The following SMYD3 variants were observed in gnomAD, a reference collection of about 807,000 sequenced individuals.
SMYD3 encodes histone-lysine N-methyltransferase SMYD3.
Under a neutral mutation model 57.7 loss-of-function variants are expected in SMYD3, and 36 were observed. The observed-to-expected ratio is 0.62, with a 90% confidence interval of 0.48 to 0.82. The LOEUF (loss-of-function observed/expected upper bound fraction) is 0.82, where lower values mean the gene tolerates loss of function less well. SMYD3 is among the 40% of genes least tolerant of loss of function. SMYD3 has a pLI of 0.00. For synonymous variants in SMYD3, 211 were observed against 195.0 expected (o/e 1.08, Z -0.68); for missense variants, 515 against 538.8 (o/e 0.96, Z 0.44).
At chr1:245,817,544 G>A (rs1364843315) in intron 10 of SMYD3, among the ~76,000 whole-genome samples, 7 of 152,110 alleles carry the variant, frequency 4.6e-5, no homozygotes, top group African/African-American at 7.2e-5. Flanking sequence ...AAAGCTGGAC[G>A]GAGAATGACT....
chr1:246,111,836 T>C (rs1447524142), intron 5 of SMYD3, among the ~76,000 whole-genome samples: 1 of 152,240 alleles, frequency 6.6e-6, no homozygotes. Flanking sequence ...GCTCAGTCTA[T>C]GGCTAATACA....
At chr1:246,321,428 A>G (rs1391595169) in intron 5 of SMYD3, among the ~76,000 whole-genome samples, 2 of 152,190 alleles carry the variant, frequency 1.3e-5, no homozygotes, top group East Asian at 3.8e-4. Flanking sequence ...ATTGAGATGG[A>G]GAGAATTTTA....
intron 5 of SMYD3, among the ~76,000 whole-genome samples, chr1:245,999,015 C>T (rs939210463): frequency 6.6e-6 from 1 of 151,908 alleles, no homozygotes; most frequent in African/African-American, 2.4e-5. Context: ...GGATGATTGT[C>T]GCTTCACGGG....
chr1:246,377,565 C>T (rs2066300655), intron 1 of SMYD3, among the ~76,000 whole-genome samples: 1 of 152,180 alleles, frequency 6.6e-6, no homozygotes, highest in Admixed American at 6.5e-5. Context: ...GATAGGGTTT[C>T]TCCATGTTGG....
chr1:245,751,522 G>GAGAGAAAGAA (rs149058110), intron 11 of SMYD3, among the ~76,000 whole-genome samples: 1 of 146,860 alleles, frequency 6.8e-6, no homozygotes, highest in Admixed American at 7.1e-5. Context: ...TTGCTGCTGA[G>GAGAGAAAGAA]AGAGAGAGAA....
chr1:246,112,902 C>T (rs182763868), intron 5 of SMYD3, among the ~76,000 whole-genome samples: 3 of 152,212 alleles, frequency 2.0e-5, no homozygotes, highest in South Asian at 2.1e-4. Context: ...TAAATTTAGG[C>T]GGGGCACAGT....
At chr1:245,758,181 T>C (rs1314736449) in intron 11 of SMYD3, among the ~76,000 whole-genome samples, 1 of 152,214 alleles carries the variant, frequency 6.6e-6, no homozygotes, top group African/African-American at 2.4e-5. Context: ...TAATTTTGTT[T>C]TTGAATTGTT....
chr1:246,380,184 T>A (rs1009389926), intron 1 of SMYD3, among the ~76,000 whole-genome samples: 1 of 152,052 alleles, frequency 6.6e-6, no homozygotes, highest in African/African-American at 2.4e-5. Flanking sequence ...GCTGAGAAAA[T>A]CTTAATGCAT....
At chr1:245,817,450 A>C (rs1350037202) in intron 10 of SMYD3, among the ~76,000 whole-genome samples, 3 of 150,692 alleles carry the variant, frequency 2.0e-5, no homozygotes, top group Non-Finnish European at 4.5e-5. Context: ...ATGGGGAAAA[A>C]ACAGAACAGA....
chr1:245,876,418 C>G (rs1489568257), intron 8 of SMYD3, among the ~76,000 whole-genome samples: 5 of 152,252 alleles, frequency 3.3e-5, no homozygotes. Context: ...GGGCCAAGGA[C>G]CATCAGCGTG....
intron 5 of SMYD3, among the ~76,000 whole-genome samples, chr1:246,145,905 T>C (rs1255099963): frequency 2.0e-5 from 3 of 152,188 alleles, no homozygotes; most frequent in African/African-American, 7.2e-5. Flanking sequence ...GTCTTACCGA[T>C]ATTAAGGAGT....
chr1:245,880,053 C>T (rs542097794), intron 8 of SMYD3, among the ~76,000 whole-genome samples: 38 of 151,730 alleles, frequency 2.5e-4, no homozygotes, highest in Non-Finnish European at 4.9e-4. Context: ...TTGCTGTACA[C>T]GCCAGAGATA....
chr1:246,465,924 A>G lies in SMYD3; in HGVS notation c.164+41130T>C, dbSNP rs921746863. On this transcript the variant is annotated intron_variant, in intron 1 of 11. Transcript: ENST00000490107. Reference sequence around the variant, plus strand: ...GTAGCTGGGATTACAGGCAAGCACCACAACACCTGGCTAATTTTTGTATTT... The same window carrying G: ...GTAGCTGGGATTACAGGCAAGCACCGCAACACCTGGCTAATTTTTGTATTT... 2.0e-5 allele frequency among the ~76,000 whole-genome samples: 3 copies of G among 152,212 alleles called. 1 individual carries two copies. The highest frequency in any genetic ancestry group is 7.2e-5 in the African/African-American group (3 of 41,456).
At chr1:245,934,671 T>C (rs536350512) in intron 5 of SMYD3, among the ~76,000 whole-genome samples, 2 of 152,244 alleles carry the variant, frequency 1.3e-5, no homozygotes, top group Admixed American at 1.3e-4. Context: ...CTATACTTCT[T>C]AAATGATGAT....
intron 5 of SMYD3, among the ~76,000 whole-genome samples, chr1:245,984,707 A>T (rs1327081476): frequency 6.6e-6 from 1 of 152,132 alleles, no homozygotes; most frequent in Admixed American, 6.5e-5. Flanking sequence ...TGCTACACTG[A>T]TTATCCTCTC....
intron 5 of SMYD3, among the ~76,000 whole-genome samples, chr1:246,033,378 AC>A (rs2059712791): frequency 6.6e-6 from 1 of 152,056 alleles, no homozygotes; most frequent in African/African-American, 2.4e-5. Flanking sequence ...TAGTAGCTCT[AC>A]AGGTTAAAGA....
intron 5 of SMYD3, among the ~76,000 whole-genome samples, chr1:246,230,708 G>A (rs1489735223): frequency 4.6e-5 from 7 of 152,220 alleles, no homozygotes. Context: ...GAGCAGAACT[G>A]TCCTATAGAA....
intron 8 of SMYD3, among the ~76,000 whole-genome samples, chr1:245,864,751 A>C (rs1410926186): frequency 6.6e-6 from 1 of 152,158 alleles, no homozygotes; most frequent in East Asian, 1.9e-4. Flanking sequence ...TAACTGGGTG[A>C]ATTTCATCAC....
chr1:245,965,686 G>A (rs970612090), intron 5 of SMYD3, among the ~76,000 whole-genome samples: 1 of 152,194 alleles, frequency 6.6e-6, no homozygotes, highest in African/African-American at 2.4e-5. Context: ...AAAGGCGAAA[G>A]TATGAAGATA....
Sources: allele counts gnomAD v4.1 joint callset (sites outside exome capture counted in the v4.1 genomes callset), GRCh38; gene constraint gnomAD v4.1.1; transcripts MANE v1.5; gene names NCBI Gene and HGNC (gene_info 2026-07-23, HGNC 2026-07-21).